The following FERRY3 variants were observed in gnomAD, a reference collection of about 807,000 sequenced individuals.
FERRY3 encodes the protein FERRY endosomal RAB5 effector complex subunit 3.
At chr12:4,513,610 C>A in the FERRY3 span, among the ~76,000 whole-genome samples, 716 of 152,152 alleles carry the variant, frequency 4.7e-3, 4 homozygotes, top group African/African-American at 0.016. Context: ...ATTATCTGAT[C>A]TTTGACAAAC....
the FERRY3 span, among the ~76,000 whole-genome samples, chr12:4,517,745 G>A: frequency 1.8e-4 from 25 of 142,408 alleles, no homozygotes; most frequent in African/African-American, 6.9e-4. Context: ...AGAGACAAAT[G>A]GATGAGCTAA....
chr12:4,500,720 T>C, the FERRY3 span, among the ~76,000 whole-genome samples: 1 of 152,196 alleles, frequency 6.6e-6, no homozygotes, highest in South Asian at 2.1e-4. Context: ...TGGCACCATC[T>C]TGGCTCACTG....
the FERRY3 span, among the ~76,000 whole-genome samples, chr12:4,512,420 A>G: frequency 2.0e-5 from 3 of 152,278 alleles, no homozygotes; most frequent in African/African-American, 7.2e-5. Context: ...TACCAAAGCC[A>G]GGCAGAGACA....
chr12:4,504,824 C>T, the FERRY3 span, among the ~76,000 whole-genome samples: 12 of 152,082 alleles, frequency 7.9e-5, no homozygotes, highest in African/African-American at 1.4e-4. Context: ...ATTTTTAGGC[C>T]GGGCATGGTG....
At chr12:4,530,292 G>A in the FERRY3 span, among the ~76,000 whole-genome samples, 1 of 152,072 alleles carries the variant, frequency 6.6e-6, no homozygotes, top group Non-Finnish European at 1.5e-5. Flanking sequence ...GAAATGAGAA[G>A]GAGGTACTAA....
At chr12:4,525,602 A>C in the FERRY3 span, 1 of 1,542,524 alleles carries the variant, frequency 6.5e-7, no homozygotes, top group Non-Finnish European at 8.9e-7. Flanking sequence ...CAAATAAACA[A>C]ATCAGGGATA....
the FERRY3 span, among the ~76,000 whole-genome samples, chr12:4,493,417 A>C: frequency 6.6e-6 from 1 of 152,234 alleles, no homozygotes; most frequent in Non-Finnish European, 1.5e-5. Context: ...ATTTAAAAAG[A>C]ATGTGACTTT....
chr12:4,494,198 ATAATC>A, the FERRY3 span, among the ~76,000 whole-genome samples: 1 of 152,314 alleles, frequency 6.6e-6, no homozygotes, highest in African/African-American at 2.4e-5. Context: ...TACAATATAA[ATAATC>A]TAACAAAAAT....
the FERRY3 span, among the ~76,000 whole-genome samples, chr12:4,491,970 C>T: frequency 6.6e-6 from 1 of 152,152 alleles, no homozygotes; most frequent in Non-Finnish European, 1.5e-5. Flanking sequence ...GTCCCAGCTA[C>T]TTGAGAGGTT....
the FERRY3 span, chr12:4,518,832 T>G: frequency 3.1e-6 from 5 of 1,595,376 alleles, no homozygotes; most frequent in Non-Finnish European, 4.3e-6. Flanking sequence ...TCCTTCCAAT[T>G]GCTTCTACAG....
the FERRY3 span, among the ~76,000 whole-genome samples, chr12:4,524,241 C>G: frequency 6.6e-6 from 1 of 151,874 alleles, no homozygotes; most frequent in Non-Finnish European, 1.5e-5. Context: ...TATGATGCAC[C>G]CTGATTTTTT....
chr12:4,523,572 A>G, the FERRY3 span, among the ~76,000 whole-genome samples: 1 of 152,228 alleles, frequency 6.6e-6, no homozygotes, highest in African/African-American at 2.4e-5. Context: ...ATGTCCATCA[A>G]TGATAGACTG....
the FERRY3 span, among the ~76,000 whole-genome samples, chr12:4,507,291 AAAGT>A: frequency 1.3e-5 from 2 of 152,288 alleles, no homozygotes; most frequent in African/African-American, 4.8e-5. Flanking sequence ...AGGGTTGATA[AAAGT>A]AATAACAATT....
chr12:4,517,340 G>C, the FERRY3 span: 1 of 866,374 alleles, frequency 1.2e-6, no homozygotes, highest in East Asian at 3.3e-5. Flanking sequence ...TATGCCTTAA[G>C]TTAGGGCACA....
the FERRY3 span, among the ~76,000 whole-genome samples, chr12:4,527,803 T>C: frequency 2.0e-5 from 3 of 152,032 alleles, no homozygotes; most frequent in East Asian, 3.8e-4. Flanking sequence ...GTATTATTTA[T>C]ATGTTTAGAA....
At chr12:4,521,622 C>T in the FERRY3 span, among the ~76,000 whole-genome samples, 75 of 152,130 alleles carry the variant, frequency 4.9e-4, 1 homozygote, top group African/African-American at 1.6e-3. Flanking sequence ...CGTATCAGAC[C>T]GATGACCACA....
the FERRY3 span, among the ~76,000 whole-genome samples, chr12:4,529,538 T>A: frequency 6.6e-6 from 1 of 152,080 alleles, no homozygotes; most frequent in Non-Finnish European, 1.5e-5. Context: ...ATGGTAAAGA[T>A]CAAATGAGAT....
At chr12:4,521,725 C>T in the FERRY3 span, among the ~76,000 whole-genome samples, 2 of 151,968 alleles carry the variant, frequency 1.3e-5, no homozygotes, top group African/African-American at 2.4e-5. Flanking sequence ...AACTATAGAC[C>T]AACATACATG....
the FERRY3 span, chr12:4,529,870 T>C: frequency 6.4e-7 from 1 of 1,572,716 alleles, no homozygotes; most frequent in African/African-American, 1.4e-5. Flanking sequence ...TTGAAATACC[T>C]CTCTCGTAAT....
Sources: allele counts gnomAD v4.1 joint callset (sites outside exome capture counted in the v4.1 genomes callset), GRCh38; gene constraint gnomAD v4.1.1; transcripts MANE v1.5; gene names NCBI Gene and HGNC (gene_info 2026-07-23, HGNC 2026-07-21).